The following THSD7A variants were observed in gnomAD, a reference collection of about 807,000 sequenced individuals.
The protein encoded by THSD7A is thrombospondin type-1 domain-containing protein 7A.
Under a neutral mutation model 231.3 loss-of-function variants are expected in THSD7A, and 96 were observed. The observed-to-expected ratio is 0.41, with a 90% CI of 0.35 to 0.49. The LOEUF is 0.49. Among genes scored for constraint, THSD7A ranks in the 20% least tolerant of loss-of-function variants. The pLI, the probability that THSD7A is intolerant of heterozygous loss-of-function variation, is 0.05. For synonymous variants in THSD7A, 940 were observed against 743.3 expected, an observed-to-expected ratio of 1.26 and a Z score of -4.30; for missense variants, 2,290 against 2,070.2, an observed-to-expected ratio of 1.11 and a Z score of -2.06.
intron 4 of THSD7A, among the ~76,000 whole-genome samples, chr7:11,544,806 G>A (rs890802170): frequency 6.8e-5 from 5 of 73,986 alleles, no homozygotes; most frequent in Non-Finnish European, 1.1e-4. Context: ...CATCTCCCCC[G>A]CCTCCCCACC....
At chr7:11,694,916 G>A (rs1780342145) in intron 1 of THSD7A, among the ~76,000 whole-genome samples, 1 of 151,486 alleles carries the variant, frequency 6.6e-6, no homozygotes, top group East Asian at 2.0e-4. Flanking sequence ...TTGTAATGAT[G>A]TGATGAGTCT....
rs549461655 is a variant in THSD7A at position 11,699,676 on chromosome 7, T to C, written c.191-62715A>G. Reference sequence around the variant, plus strand: ...AAATGTTGCATATACATTTTTTAAGTTGTCTTCAAACTCACACAATTATAG... The same window carrying C: ...AAATGTTGCATATACATTTTTTAAGCTGTCTTCAAACTCACACAATTATAG... On this transcript the variant is annotated intron_variant, in intron 1 of 27. Transcript: ENST00000423059. 2.0e-5 allele frequency among the ~76,000 whole-genome samples: 3 copies of C among 151,488 alleles called. No homozygotes were observed. In the South Asian group the frequency reaches 6.2e-4, roughly 31 times the overall value.
At position 11,417,615 on chromosome 7, in the gene THSD7A, C is replaced by T. The variant is rs375753593; in HGVS notation, c.3384-12G>A. ...TATTCTGCATGCATCTAGAAAAGAA[C>T]ATAAACATATTCTAGAAAATATACA... is the stretch of plus-strand genomic sequence containing the variant. On this transcript the variant is annotated splice_polypyrimidine_tract_variant and intron_variant, in intron 16 of 27. Transcript: ENST00000423059. 25 of 1,591,158 alleles carry T rather than the reference C, an allele frequency of 1.6e-5. No homozygotes were observed. Among genetic ancestry groups the T allele is most frequent in the Non-Finnish European group, 2.1e-5 (25 of 1,173,774 alleles).
rs934571873 is a variant in THSD7A, at chr7:11,771,381, G to C, written c.190+60376C>G. Among the ~76,000 whole-genome samples the C allele has an allele frequency of 3.9e-5, 6 of 151,924 alleles. No individual in the cohort carries two copies. In the South Asian group the frequency reaches 1.2e-3, roughly 32 times the overall value. ...GCCATTGATGTTATAAATACAGAGAGAAAAGTTTGACATGTGAACACTAGG... is the reference window on the plus strand; with the variant it reads ...GCCATTGATGTTATAAATACAGAGACAAAAGTTTGACATGTGAACACTAGG... On this transcript the variant is annotated intron_variant, in intron 1 of 27. Transcript: ENST00000423059.
intron 6 of THSD7A, among the ~76,000 whole-genome samples, chr7:11,514,198 G>C (rs1014850452): frequency 1.3e-5 from 2 of 151,582 alleles, no homozygotes; most frequent in East Asian, 3.9e-4. Flanking sequence ...TTCAGCCTGT[G>C]TTATTTTTCT....
chr7:11,749,187 G>A (rs1473262095), intron 1 of THSD7A, among the ~76,000 whole-genome samples: 1 of 151,942 alleles, frequency 6.6e-6, no homozygotes, highest in Non-Finnish European at 1.5e-5. Flanking sequence ...TGTTTTCAGT[G>A]CTCCTTATCA....
chr7:11,593,267 C>G lies in THSD7A; in HGVS notation c.1258G>C (p.Val420Leu). 1 of 1,613,978 alleles carries G rather than the reference C, an allele frequency of 6.2e-7. No individual in the cohort carries two copies. Among genetic ancestry groups the G allele is most frequent in the Non-Finnish European group, 8.5e-7 (1 of 1,179,892 alleles). Residue 420 changes from valine (V) to leucine (L), a missense_variant, in exon 3 of 28, where the codon GTC (valine) becomes CTC (leucine). Transcript: ENST00000423059. ...EPCLSQGDGV[V>L]PCATYGWRTT... Reference sequence around the variant, plus strand: ...TTATTTACTCACGTGGCACAGGGGACAACTCCATCTCCTTGAGACAAACAG... The same window carrying G: ...TTATTTACTCACGTGGCACAGGGGAGAACTCCATCTCCTTGAGACAAACAG...
At chr7:11,576,833 T>C (rs1336076189) in intron 4 of THSD7A, among the ~76,000 whole-genome samples, 2 of 152,188 alleles carry the variant, frequency 1.3e-5, no homozygotes, top group Admixed American at 1.3e-4. Context: ...TTCTAGGCCA[T>C]TTTTGTTTAT....
chr7:11,499,733 G>C (rs1462124677), intron 6 of THSD7A, among the ~76,000 whole-genome samples: 4 of 152,148 alleles, frequency 2.6e-5, no homozygotes, highest in Non-Finnish European at 5.9e-5. Context: ...CTTGAAGACT[G>C]GTTCTGTGAA....
chr7:11,831,796 C>T lies in THSD7A; in HGVS notation c.151G>A (p.Gly51Ser). 2 of 1,472,738 alleles carry T rather than the reference C, an allele frequency of 1.4e-6. No homozygotes were observed. Among genetic ancestry groups the T allele is most frequent in the Admixed American group, 2.2e-5 (1 of 45,912 alleles). The allele number at this position is 1,472,738 out of a possible 1,614,324, so 91.2% of individuals were successfully genotyped here. A position where few individuals can be genotyped will look rare whatever the true frequency, so the allele number is the denominator to read the frequency against. The change falls in exon 1 of 28, where the codon GGC becomes AGC. Residue 51 changes from glycine to serine, a missense_variant. Transcript: ENST00000423059. The surrounding 1 kb of genome is among the most constrained non-coding windows in gnomAD (Gnocchi z 5.0). ...TAGAGGGTGGGCGCCTCCGCCTCGCCCTGCGCCGCAGCCCTGCCGGCGCCC... is the reference window on the plus strand; with the variant it reads ...TAGAGGGTGGGCGCCTCCGCCTCGCTCTGCGCCGCAGCCCTGCCGGCGCCC... Reference protein sequence around the residue: ...RPGAGRAAAQGEAEAPTLYLW... With the variant: ...RPGAGRAAAQSEAEAPTLYLW...
intron 1 of THSD7A, among the ~76,000 whole-genome samples, chr7:11,819,105 T>A (rs557347603): frequency 6.6e-6 from 1 of 152,250 alleles, no homozygotes; most frequent in Non-Finnish European, 1.5e-5. Context: ...TGAAACATCA[T>A]GTTAGTAGGG....
Position 11,379,613 on chromosome 7 carries a change from G to A in THSD7A, c.4590+17C>T, listed in dbSNP as rs367839305. 5.7e-5 allele frequency: 90 copies of A among 1,567,322 alleles called. 1 individual carries two copies. In the South Asian group the frequency reaches 1.0e-3, roughly 18 times the overall value. On this transcript the variant is annotated intron_variant, in intron 25 of 27. Transcript: ENST00000423059. ...ATGATGGAGCTGGCTTGTCTGCCCT[G>A]ATGAATTTTCACATACCTCGCTACA...
intron 1 of THSD7A, among the ~76,000 whole-genome samples, chr7:11,750,714 G>C (rs542235237): frequency 2.0e-5 from 3 of 151,924 alleles, no homozygotes; most frequent in Non-Finnish European, 4.4e-5. Flanking sequence ...AGGAAGATCC[G>C]GCACTTGTAC....
intron 14 of THSD7A, among the ~76,000 whole-genome samples, chr7:11,427,490 AG>A (rs1283208522): frequency 6.6e-6 from 1 of 152,186 alleles, no homozygotes; most frequent in Non-Finnish European, 1.5e-5. Flanking sequence ...CACTAGGAAT[AG>A]CAAAGACAAC....
chr7:11,416,833 C>T (rs749598215), intron 17 of THSD7A, among the ~76,000 whole-genome samples: 7 of 152,112 alleles, frequency 4.6e-5, no homozygotes, highest in Non-Finnish European at 7.3e-5. Flanking sequence ...CCCCTACTGG[C>T]TGTTGAAATA....
At chr7:11,690,795 A>G (rs1206144938) in intron 1 of THSD7A, among the ~76,000 whole-genome samples, 1 of 151,764 alleles carries the variant, frequency 6.6e-6, no homozygotes, top group Non-Finnish European at 1.5e-5. Flanking sequence ...TTATGCTAAT[A>G]ATATGATTGT....
intron 1 of THSD7A, among the ~76,000 whole-genome samples, chr7:11,728,509 A>G (rs1223625092): frequency 6.6e-6 from 1 of 151,676 alleles, no homozygotes; most frequent in East Asian, 1.9e-4. Flanking sequence ...AAACTGACAA[A>G]GCTGATTCAT....
intron 4 of THSD7A, among the ~76,000 whole-genome samples, chr7:11,577,872 A>C (rs1790987714): frequency 6.6e-6 from 1 of 152,148 alleles, no homozygotes; most frequent in Non-Finnish European, 1.5e-5. Context: ...ACTACTACTT[A>C]AAATTCGCAA....
intron 1 of THSD7A, among the ~76,000 whole-genome samples, chr7:11,706,630 C>CTTTT (rs66964252): frequency 0.11 from 7,477 of 66,240 alleles, 743 homozygotes; most frequent in Non-Finnish European, 0.15. Context: ...TAACAAGGTG[C>CTTTT]TTTTTTTTTT....
Sources: allele counts gnomAD v4.1 joint callset (sites outside exome capture counted in the v4.1 genomes callset), GRCh38; gene constraint gnomAD v4.1.1; non-coding constraint Gnocchi (gnomAD v3.1); transcripts MANE v1.5; gene names NCBI Gene and HGNC (gene_info 2026-07-23, HGNC 2026-07-21).